Variants in TTC29 observed in about 807,000 individuals in gnomAD.
TTC29 encodes tetratricopeptide repeat domain 29, also known as tetratricopeptide repeat protein 29.
In TTC29, 49 loss-of-function variants were observed where a neutral mutation model predicts 58.1. The ratio of observed to expected loss-of-function variants is 0.84; its 90% confidence interval spans 0.67 to 1.07. TTC29 has a LOEUF of 1.07. Among genes scored for constraint, TTC29 ranks in the 50% least tolerant of loss-of-function variants. TTC29 has a pLI of 0.00. For synonymous variants in TTC29, 209 were observed against 196.8 expected (o/e 1.06, Z -0.52); for missense variants, 582 against 555.6 (o/e 1.05, Z -0.48).
At chr4:146,720,861 T>A (rs1229654441) in intron 11 of TTC29, among the ~76,000 whole-genome samples, 1 of 152,152 alleles carries the variant, frequency 6.6e-6, no homozygotes, top group Non-Finnish European at 1.5e-5. Flanking sequence ...ACAGTGTCAG[T>A]CACAAATGAT....
At chr4:146,927,517 A>G (rs765708714) in intron 4 of TTC29, among the ~76,000 whole-genome samples, 3 of 152,192 alleles carry the variant, frequency 2.0e-5, no homozygotes, top group Non-Finnish European at 4.4e-5. Flanking sequence ...CAATGGGTCA[A>G]AATCACTACC....
At chr4:146,762,292 G>A (rs555405430) in intron 11 of TTC29, among the ~76,000 whole-genome samples, 1 of 151,546 alleles carries the variant, frequency 6.6e-6, no homozygotes, top group East Asian at 2.0e-4. Flanking sequence ...AACGTCTGAG[G>A]TTGGAATATA....
At chr4:146,856,028 T>C (rs1447320177) in intron 8 of TTC29, among the ~76,000 whole-genome samples, 1 of 152,222 alleles carries the variant, frequency 6.6e-6, no homozygotes, top group Non-Finnish European at 1.5e-5. Flanking sequence ...CAGGTTGCTT[T>C]ATTGCTCCAG....
At chr4:146,747,088 C>A (rs553713344) in intron 11 of TTC29, among the ~76,000 whole-genome samples, 3 of 152,152 alleles carry the variant, frequency 2.0e-5, no homozygotes, top group East Asian at 3.9e-4. Context: ...ATAGAGGACC[C>A]CAGCATCCCC....
At chr4:146,904,294 A>G (rs1483058240) in intron 5 of TTC29, among the ~76,000 whole-genome samples, 1 of 152,226 alleles carries the variant, frequency 6.6e-6, no homozygotes, top group Non-Finnish European at 1.5e-5. Context: ...CAATGTTTCT[A>G]GCAATACAAA....
intron 10 of TTC29, among the ~76,000 whole-genome samples, chr4:146,811,875 G>A (rs2150129351): frequency 6.6e-6 from 1 of 152,280 alleles, no homozygotes; most frequent in South Asian, 2.1e-4. Flanking sequence ...CACACAGACA[G>A]TTTAGGAGAA....
Position 146,903,554 on chromosome 4 carries a change from G to A in TTC29, c.576C>T (p.Tyr192=), listed in dbSNP as rs777478027. ...AEAHMHMGLL[Y]EEDGQLLEAA... is the part of the protein sequence containing the mutation. ...CAAATGCCCACTCACCATCTTCCTC[G>A]TAGAGAAGACCCATATGCATGTGTG... Residue 192 remains tyrosine (Y), a synonymous_variant, in exon 6 of 13, where the codon TAC becomes TAT. Transcript: ENST00000325106. The A allele has an allele frequency of 2.1e-5, 34 of 1,608,296 alleles. No homozygotes were observed. Among genetic ancestry groups the A allele is most frequent in the Admixed American group, 3.4e-5 (2 of 59,370 alleles).
At chr4:146,854,354 C>T (rs1197548863) in intron 8 of TTC29, among the ~76,000 whole-genome samples, 1 of 152,072 alleles carries the variant, frequency 6.6e-6, no homozygotes, top group East Asian at 1.9e-4. Flanking sequence ...ATGAAATGTC[C>T]AAAAATGTGT....
At chr4:146,857,801 C>T (rs1239853394) in intron 8 of TTC29, among the ~76,000 whole-genome samples, 1 of 152,096 alleles carries the variant, frequency 6.6e-6, no homozygotes, top group East Asian at 1.9e-4. Context: ...AGAAATAACT[C>T]AATTTTTAAA....
intron 11 of TTC29, among the ~76,000 whole-genome samples, chr4:146,724,975 T>C (rs1235713172): frequency 6.6e-6 from 1 of 152,198 alleles, no homozygotes; most frequent in Non-Finnish European, 1.5e-5. Context: ...CCTTTCCCCA[T>C]TGCAGTCAGT....
intron 11 of TTC29, among the ~76,000 whole-genome samples, chr4:146,744,543 A>T (rs1745402348): frequency 6.6e-6 from 1 of 152,188 alleles, no homozygotes; most frequent in South Asian, 2.1e-4. Context: ...GCAATTTTCC[A>T]AGCCGTCTTC....
chr4:146,778,885 T>G (rs1255305318), intron 11 of TTC29, among the ~76,000 whole-genome samples: 2 of 145,726 alleles, frequency 1.4e-5, no homozygotes, highest in East Asian at 2.0e-4. Context: ...TGTTCACTAT[T>G]CAGATGATGG....
intron 11 of TTC29, among the ~76,000 whole-genome samples, chr4:146,711,002 A>G (rs1413108113): frequency 6.6e-6 from 1 of 152,142 alleles, no homozygotes; most frequent in East Asian, 1.9e-4. Context: ...GTAGAGAAGG[A>G]TGAATTGAAA....
rs561824685 is a variant in TTC29 at position 146,911,583 on chromosome 4, G to C, written c.177-2334C>G. On this transcript the variant is annotated intron_variant, in intron 4 of 12. Transcript: ENST00000325106. ...GAGGTTTCTAATTTTCTTGCCTAAA[G>C]GCAGGCAGCTGAGGGCCTTGGTTCA... 2.6e-5 allele frequency among the ~76,000 whole-genome samples: 4 copies of C among 152,316 alleles called. No individual in the cohort carries two copies. In the South Asian group the frequency reaches 8.3e-4, roughly 32 times the overall value.
intron 8 of TTC29, among the ~76,000 whole-genome samples, chr4:146,843,973 T>C (rs1003085418): frequency 2.6e-5 from 4 of 152,196 alleles, no homozygotes; most frequent in African/African-American, 9.6e-5. Flanking sequence ...ACAATACTAT[T>C]TGGTTAATAT....
intron 11 of TTC29, among the ~76,000 whole-genome samples, chr4:146,778,923 A>ACTG (rs1748329783): frequency 6.9e-6 from 1 of 144,128 alleles, no homozygotes. Flanking sequence ...CGCAGACTTT[A>ACTG]CTGCTACCCA....
rs935274795 is a variant in TTC29, at chr4:146,874,882, C to G, written c.633G>C (p.Leu211Phe). 1.9e-6 allele frequency: 3 copies of G among 1,613,522 alleles called. No individual in the cohort carries two copies. The highest frequency in any genetic ancestry group is 3.3e-5 in the Admixed American group (2 of 59,974). ...CATCCTTCCATATCCGCCCCTGTGT[C>G]AATTGATGGAATGCTTCATAATGCT... ...AAEHYEAFHQ[L>F]TQGRIWKDET... Residue 211 changes from leucine to phenylalanine, a missense_variant, in exon 7 of 13, where the codon TTG becomes TTC. By Grantham distance (22) the Leu-to-Phe change is conservative (BLOSUM62 0). Coordinates refer to ENST00000325106, the MANE Select transcript of TTC29 (RefSeq NM_031956.4).
intron 6 of TTC29, among the ~76,000 whole-genome samples, chr4:146,888,512 G>A (rs992196945): frequency 6.6e-6 from 1 of 152,124 alleles, no homozygotes; most frequent in Non-Finnish European, 1.5e-5. Context: ...GGTTACAACA[G>A]TATAGCTAAC....
At chr4:146,717,984 A>C (rs540087946) in intron 11 of TTC29, among the ~76,000 whole-genome samples, 2 of 152,244 alleles carry the variant, frequency 1.3e-5, no homozygotes, top group East Asian at 1.9e-4. Flanking sequence ...AGAACATTTT[A>C]TATGTGTCTT....
Sources: gnomAD v4.1 joint callset for allele counts (sites outside exome capture counted in the v4.1 genomes callset) on GRCh38, gnomAD v4.1.1 for gene constraint, MANE v1.5 for transcripts, NCBI Gene and HGNC (gene_info 2026-07-23, HGNC 2026-07-21) for gene names.